The following FIG4 variants were observed in gnomAD, a reference collection of about 807,000 sequenced individuals.
FIG4 encodes polyphosphoinositide phosphatase.
FIG4 carries 112 observed loss-of-function variants against 118.6 expected under a neutral mutation model. That is an observed-to-expected ratio of 0.94 (90% confidence interval 0.81 to 1.11). The LOEUF (loss-of-function observed/expected upper bound fraction) is 1.11. Among genes scored for constraint, FIG4 ranks in the 50% least tolerant of loss-of-function variants. FIG4 has a pLI of 0.00. For missense variants in FIG4, 969 were observed against 1,111.7 expected (o/e 0.87, Z 1.83); for synonymous variants, 369 against 381.2 (o/e 0.97, Z 0.37).
intron 3 of FIG4, among the ~76,000 whole-genome samples, chr6:109,720,869 T>G (rs1775585863): frequency 6.6e-6 from 1 of 152,192 alleles, no homozygotes; most frequent in Non-Finnish European, 1.5e-5. Context: ...TCTGTTCCTT[T>G]GTTATTTGAC....
chr6:109,696,256 C>G (rs1470211284), intron 1 of FIG4, among the ~76,000 whole-genome samples: 1 of 152,188 alleles, frequency 6.6e-6, no homozygotes, highest in South Asian at 2.1e-4. Context: ...TGTTATCCTT[C>G]CTAGTACTTC....
At chr6:109,757,375 A>T (rs999432056) in intron 10 of FIG4, among the ~76,000 whole-genome samples, 13 of 152,374 alleles carry the variant, frequency 8.5e-5, no homozygotes, top group African/African-American at 3.1e-4. Context: ...CTACATGATT[A>T]TCTCAGCAGA....
intron 3 of FIG4, among the ~76,000 whole-genome samples, chr6:109,723,977 G>T (rs1270436841): frequency 6.6e-6 from 1 of 152,040 alleles, no homozygotes; most frequent in African/African-American, 2.4e-5. Context: ...CCTTTTTTTA[G>T]TTTAAGCTGA....
intron 18 of FIG4, among the ~76,000 whole-genome samples, chr6:109,787,865 G>A (rs997152768): frequency 6.6e-6 from 1 of 152,116 alleles, no homozygotes; most frequent in Non-Finnish European, 1.5e-5. Context: ...CTAGTTTTGT[G>A]TATGTTTTTG....
chr6:109,730,182 G>T (rs1295259440), intron 4 of FIG4, among the ~76,000 whole-genome samples: 1 of 151,960 alleles, frequency 6.6e-6, no homozygotes, highest in Non-Finnish European at 1.5e-5. Flanking sequence ...CCCAGTAGCT[G>T]GGACTACAGA....
chr6:109,784,886 C>A, intron 16 of FIG4, 84 bp from the exon 17 acceptor site: 1 of 707,582 alleles, frequency 1.4e-6, no homozygotes, highest in Non-Finnish European at 2.4e-6. Context: ...TTACTATAGA[C>A]CATATAAATT....
intron 22 of FIG4, among the ~76,000 whole-genome samples, chr6:109,799,141 C>T (rs958872269): frequency 2.0e-5 from 3 of 152,214 alleles, no homozygotes; most frequent in African/African-American, 7.2e-5. Flanking sequence ...ACAGTTACTA[C>T]TTGTGCATTC....
intron 3 of FIG4, among the ~76,000 whole-genome samples, chr6:109,722,999 C>T (rs1462519073): frequency 6.6e-6 from 1 of 150,648 alleles, no homozygotes; most frequent in Non-Finnish European, 1.5e-5. Flanking sequence ...ATCCTGTCAA[C>T]GCTGAACTGG....
At chr6:109,712,498 A>G (rs1398924348) in intron 1 of FIG4, among the ~76,000 whole-genome samples, 4 of 152,080 alleles carry the variant, frequency 2.6e-5, no homozygotes, top group Non-Finnish European at 4.4e-5. Flanking sequence ...GCCAGTCTTC[A>G]AGCTCTGAGA....
At chr6:109,714,648 G>C (rs916025800) in intron 1 of FIG4, among the ~76,000 whole-genome samples, 8 of 152,192 alleles carry the variant, frequency 5.3e-5, no homozygotes, top group Non-Finnish European at 1.2e-4. Context: ...AGACATTTAT[G>C]AAAATTTGTA....
chr6:109,778,341 G>A (rs192561729), intron 16 of FIG4, among the ~76,000 whole-genome samples: 4 of 151,544 alleles, frequency 2.6e-5, no homozygotes, highest in Admixed American at 6.6e-5. Flanking sequence ...ATGGTGGTAC[G>A]TGCCTGTAAT....
At chr6:109,735,088 G>T in intron 5 of FIG4, 62 bp from the exon 6 acceptor site, 1 of 1,411,888 alleles carries the variant, frequency 7.1e-7, no homozygotes, top group Admixed American at 1.7e-5. Context: ...CTATATGGGC[G>T]CCAAGACCAT....
intron 1 of FIG4, among the ~76,000 whole-genome samples, chr6:109,706,946 G>C (rs1562637797): frequency 1.3e-5 from 2 of 152,146 alleles, no homozygotes. Context: ...TGGGTAGGGT[G>C]TCAGGGACAG....
At chr6:109,823,004 TAG>T in intron 22 of FIG4, among the ~76,000 whole-genome samples, 1 of 151,948 alleles carries the variant, frequency 6.6e-6, no homozygotes, top group Non-Finnish European at 1.5e-5. Flanking sequence ...CTACAAAAGA[TAG>T]AGTTTAGCAG....
intron 7 of FIG4, among the ~76,000 whole-genome samples, chr6:109,739,689 C>A (rs1318621550): frequency 1.3e-5 from 2 of 152,072 alleles, no homozygotes; most frequent in African/African-American, 2.4e-5. Flanking sequence ...CCCACTCAGG[C>A]CAGCCCTGGC....
At chr6:109,822,824 TA>T (rs1779048114) in intron 22 of FIG4, among the ~76,000 whole-genome samples, 2 of 134,200 alleles carry the variant, frequency 1.5e-5, no homozygotes, top group African/African-American at 5.3e-5. Context: ...TATATATATA[TA>T]TATCGCTTTC....
rs115112683 is a variant in FIG4 at position 109,732,146 on chromosome 6, T to G, written c.447-491T>G. 1.9e-3 allele frequency among the ~76,000 whole-genome samples: 283 copies of G among 152,318 alleles called. 1 individual carries two copies. Among genetic ancestry groups the G allele is most frequent in the African/African-American group, 6.6e-3 (273 of 41,590 alleles). On this transcript the variant is annotated intron_variant, in intron 4 of 22. Transcript: ENST00000230124. ...TTGTTCGTTATTTATCTTAAAAAGG[T>G]TGAAATAGATATTTTAAAATGTGAA...
At chr6:109,758,103 A>C (rs914826232) in intron 10 of FIG4, among the ~76,000 whole-genome samples, 2 of 152,240 alleles carry the variant, frequency 1.3e-5, no homozygotes, top group Non-Finnish European at 2.9e-5. Flanking sequence ...AGAATTAGAA[A>C]AAACTTTAAA....
chr6:109,785,038 T>G lies in FIG4; in HGVS notation c.1948+10T>G. 6.6e-7 allele frequency: 1 copy of G among 1,505,028 alleles called. No homozygotes were observed. Among genetic ancestry groups the G allele is most frequent in the Non-Finnish European group, 9.3e-7 (1 of 1,078,908 alleles). 93.2% of individuals were successfully genotyped at this position (1,505,028 alleles called of 1,614,324 possible). ...TTGCCCTATGATGAAGGTAGGTAAC[T>G]GTTTGTGTTTTAGTTTTTACACTAA... On this transcript the variant is annotated intron_variant, in intron 17 of 22. Transcript: ENST00000230124.
Sources: gnomAD v4.1 joint callset for allele counts (sites outside exome capture counted in the v4.1 genomes callset) on GRCh38, gnomAD v4.1.1 for gene constraint, MANE v1.5 for transcripts, NCBI Gene and HGNC (gene_info 2026-07-23, HGNC 2026-07-21) for gene names.